Variants in SACS observed in about 807,000 individuals in gnomAD.
SACS encodes the protein sacsin.
SACS carries 197 observed loss-of-function variants against 348.0 expected under a neutral mutation model. That is an observed-to-expected ratio of 0.57 (90% CI 0.50 to 0.64). The LOEUF (loss-of-function observed/expected upper bound fraction) is 0.64. Among genes scored for constraint, SACS ranks in the 30% least tolerant of loss-of-function variants. The probability of loss-of-function intolerance (pLI) is 0.00; values close to 1 mark genes in which losing one functional copy is unlikely to be tolerated. For synonymous variants in SACS, 1,985 were observed against 1,910.6 expected (o/e 1.04, Z -1.02); for missense variants, 4,999 against 5,360.8 (o/e 0.93, Z 2.11).
intron 1 of SACS, chr13:23,428,688 C>T (rs1338895461): frequency 6.6e-6 from 1 of 152,122 alleles, no homozygotes. Context: ...AGAAAAAATA[C>T]TGTATTTCAA....
In SACS at chr13:23,417,446, G is replaced by C. The variant is rs142048881; in HGVS notation, c.-501-5706C>G. Among the ~76,000 whole-genome samples, 256 of 152,332 alleles carry C rather than the reference G, an allele frequency of 1.7e-3. 1 individual carries two copies. The highest frequency in any genetic ancestry group is 2.7e-3 in the Non-Finnish European group (182 of 68,030). Reference sequence around the variant, plus strand: ...GCATTCGCATGGGAACAATCAAAGAGAGTAAAAGGCTCAGAGACAGACCCT... The same window carrying C: ...GCATTCGCATGGGAACAATCAAAGACAGTAAAAGGCTCAGAGACAGACCCT... On this transcript the variant is annotated intron_variant, in intron 1 of 9. Transcript: ENST00000382292.
At position 23,409,040 on chromosome 13, in the gene SACS, C is replaced by CTTTTTTTTTTTTTTTTTTTTT. The variant is rs1175897856; in HGVS notation, c.20+2159_20+2179dup. Among the ~76,000 whole-genome samples, 119 of 35,146 alleles carry CTTTTTTTTTTTTTTTTTTTTT rather than the reference C, an allele frequency of 3.4e-3. 45 individuals carry two copies. The highest frequency in any genetic ancestry group is 4.0e-3 in the Non-Finnish European group (81 of 20,388). 23.1% of individuals were successfully genotyped at this position (35,146 alleles called of 152,430 possible). On this transcript the variant is annotated intron_variant, in intron 2 of 9. Transcript: ENST00000382292. ...TATGGTCTTAATAAAACAAGTTTTACTTTTTTTTTTTTTTTTTTTTTTTTT... is the reference window on the plus strand; with the variant it reads ...TATGGTCTTAATAAAACAAGTTTTACTTTTTTTTTTTTTTTTTTTTTTTTTTTTTTTTTTTTTTTTTTTTTT...
At chr13:23,413,047 A>G (rs1052260209) in intron 1 of SACS, among the ~76,000 whole-genome samples, 2 of 151,956 alleles carry the variant, frequency 1.3e-5, no homozygotes, top group African/African-American at 2.4e-5. Flanking sequence ...GCACAATCTC[A>G]GCTAACTGCA....
At position 23,339,132 on chromosome 13, in the gene SACS, C is replaced by A; in HGVS notation, c.4744G>T (p.Asp1582Tyr). The A allele has an allele frequency of 1.9e-6, 3 of 1,610,490 alleles. No homozygotes were observed. The highest frequency in any genetic ancestry group is 2.5e-6 in the Non-Finnish European group (3 of 1,177,786). The change falls in exon 10 of 10, where the codon GAT becomes TAT. Residue 1582 changes from aspartate to tyrosine, a missense_variant. Asp to Tyr is a radical substitution (Grantham distance 160, BLOSUM62 -3). This residue lies in a region of SACS where 3,156 missense variants were observed against 3,380.1 expected (regional missense o/e 0.93). Coordinates refer to ENST00000382292, the MANE Select transcript of SACS (RefSeq NM_014363.6). ...TTACTGATATGATTTATGTTTGGAT[C>A]GAACATTATCATGAATTCCCGACTC... ...IMSREFMIMF[D>Y]PNINHISKHI...
intron 2 of SACS, among the ~76,000 whole-genome samples, chr13:23,410,233 C>T (rs1041116827): frequency 6.6e-6 from 1 of 152,180 alleles, no homozygotes; most frequent in Non-Finnish European, 1.5e-5. Flanking sequence ...CACATGACTT[C>T]TCATAATACT....
At position 23,332,486 on chromosome 13, in the gene SACS, A is replaced by T. The variant is rs1373813671; in HGVS notation, c.11390T>A (p.Val3797Glu). 6.2e-7 allele frequency: 1 copy of T among 1,613,878 alleles called. No homozygotes were observed. Among genetic ancestry groups the T allele is most frequent in the Non-Finnish European group, 8.5e-7 (1 of 1,179,912 alleles). ...AAGTTTCCAACCATCTTCTACCATCACAAAAGCAACCCCTCGCAACTGAAA... is the reference window on the plus strand; with the variant it reads ...AAGTTTCCAACCATCTTCTACCATCTCAAAAGCAACCCCTCGCAACTGAAA... ...FRFQLRGVAF[V>E]MVEDGWKLLK... Residue 3797 changes from valine to glutamate, a missense_variant, in exon 10 of 10, where the codon GTG becomes GAG. Val to Glu is a moderately radical substitution (Grantham distance 121). Around this residue, in one of 6 missense-constraint regions of SACS, gnomAD observed 831 missense variants for 941.8 expected, o/e 0.88. Coordinates refer to ENST00000382292, the MANE Select transcript of SACS (RefSeq NM_014363.6).
At position 23,335,403 on chromosome 13, in the gene SACS, C is replaced by T; in HGVS notation, c.8473G>A (p.Gly2825Ser). Residue 2825 changes from glycine to serine, a missense_variant, in exon 10 of 10, where the codon GGC (glycine) becomes AGC (serine). Physicochemically the swap from Gly to Ser is moderately conservative, Grantham distance 56. Around this residue, in one of 6 missense-constraint regions of SACS, gnomAD observed 3,156 missense variants for 3,380.1 expected, o/e 0.93. Transcript: ENST00000382292. This position sits in a 1 kb window ranked among gnomAD's most constrained non-coding sequence, Gnocchi z 4.7. ...LTTWLICNRS[G>S]FSSMEKVSKS... ...GATACTTTCTCCATACTTGAAAAGC[C>T]TGATCTATTACAAATTAGCCACGTA... The T allele has an allele frequency of 1.9e-6, 3 of 1,613,940 alleles. No homozygotes were observed. Among genetic ancestry groups the T allele is most frequent in the Non-Finnish European group, 2.5e-6 (3 of 1,179,898 alleles).
At chr13:23,372,866 C>G (rs907401815) in intron 3 of SACS, among the ~76,000 whole-genome samples, 2 of 152,190 alleles carry the variant, frequency 1.3e-5, no homozygotes, top group Non-Finnish European at 2.9e-5. Flanking sequence ...GCAATTTTGA[C>G]TTTTGCAAAG....
chr13:23,411,636 G>T lies in SACS; in HGVS notation c.-397C>A. On this transcript the variant is annotated 5_prime_UTR_variant, in exon 2 of 10. Coordinates refer to ENST00000382292, the MANE Select transcript of SACS (RefSeq NM_014363.6). ...TGGGGAAAACGTCGCAGAAATTCTT[G>T]GATTTTGTTTCTCACCCTCATCTCA... The T allele has an allele frequency of 5.1e-6, 1 of 196,418 alleles. No individual in the cohort carries two copies. The highest frequency in any genetic ancestry group is 1.0e-5 in the Non-Finnish European group (1 of 98,764). 12.2% of individuals were successfully genotyped at this position (196,418 alleles called of 1,614,324 possible).
At chr13:23,364,650 G>C (rs1007043306) in intron 6 of SACS, among the ~76,000 whole-genome samples, 9 of 152,178 alleles carry the variant, frequency 5.9e-5, no homozygotes, top group Admixed American at 3.9e-4. Flanking sequence ...TGAGATATTA[G>C]GAGTCTATTG....
rs1295615161 is a variant in SACS at position 23,336,143 on chromosome 13, T to C, written c.7733A>G (p.Asp2578Gly). Residue 2578 changes from aspartate to glycine, a missense_variant, in exon 10 of 10, where the codon GAT becomes GGT. This residue lies in a region of SACS where 3,156 missense variants were observed against 3,380.1 expected (regional missense o/e 0.93). Coordinates refer to ENST00000382292, the MANE Select transcript of SACS (RefSeq NM_014363.6). ...TGGCCCTTGCAATGGGGCCCACTTA[T>C]CATCAAATATTCTATCAACTGGATG... ...RQHPVDRIFDDKWAPLQGPAL... is the reference protein window; with the variant it reads ...RQHPVDRIFDGKWAPLQGPAL... The C allele has an allele frequency of 1.2e-6, 2 of 1,613,546 alleles. No homozygotes were observed. Among genetic ancestry groups the C allele is most frequent in the Non-Finnish European group, 1.7e-6 (2 of 1,179,544 alleles).
Position 23,347,723 on chromosome 13 carries a change from C to T in SACS, c.2186-6033G>A, listed in dbSNP as rs1234503269. On this transcript the variant is annotated intron_variant, in intron 9 of 9. Coordinates refer to ENST00000382292, the MANE Select transcript of SACS (RefSeq NM_014363.6). ...ACCAGTGTGTGAGTGCCATGGAGAA[C>T]AGAGCATGGAAGCACACATGGGTTG... Among the ~76,000 whole-genome samples, 3 of 152,052 alleles carry T rather than the reference C, an allele frequency of 2.0e-5. 1 individual carries two copies. The highest frequency in any genetic ancestry group is 7.2e-5 in the African/African-American group (3 of 41,394).
At chr13:23,388,420 G>GTATA (rs753388276) in intron 2 of SACS, among the ~76,000 whole-genome samples, 116 of 143,516 alleles carry the variant, frequency 8.1e-4, no homozygotes, top group African/African-American at 1.0e-3. Context: ...AATGGTGTGT[G>GTATA]TGTATATATA....
chr13:23,367,745 CACCA>C lies in SACS; in HGVS notation c.345+653_345+656del, dbSNP rs1260434129. Among the ~76,000 whole-genome samples, 7 of 152,144 alleles carry C rather than the reference CACCA, an allele frequency of 4.6e-5. No individual in the cohort carries two copies. The East Asian group carries it at 1.4e-3, about 29-fold the overall frequency. ...AGTAGCTAGGATTACAGGCAGCCAC[CACCA>C]TGCCTGGCTAATTTTTGTACTTTTA... On this transcript the variant is annotated intron_variant, in intron 5 of 9. Transcript: ENST00000382292.
chr13:23,412,193 A>G (rs886558811), intron 1 of SACS, among the ~76,000 whole-genome samples: 1 of 152,040 alleles, frequency 6.6e-6, no homozygotes, highest in Non-Finnish European at 1.5e-5. Flanking sequence ...CGGGAGGTGG[A>G]GCTTGCAGTG....
At chr13:23,367,049 T>C (rs1197700464) in intron 5 of SACS, among the ~76,000 whole-genome samples, 1 of 152,202 alleles carries the variant, frequency 6.6e-6, no homozygotes, top group Admixed American at 6.5e-5. Flanking sequence ...CATAGACCTT[T>C]CTCATTTCTC....
In SACS at chr13:23,336,229, A is replaced by C. The variant is rs186301471; in HGVS notation, c.7647T>G (p.Leu2549=). The C allele has an allele frequency of 7.3e-5, 118 of 1,614,078 alleles. 4 individuals are homozygous for C. Among genetic ancestry groups the C allele is most frequent in the East Asian group, 6.2e-4 (28 of 44,888 alleles). ...CCTTTGCATCATCAGCATTTTGAAG[A>C]AGCTCTTTCAACATTTCCTTTTCAG... ...YPSEKEMLKE[L]LQNADDAKAT... Residue 2549 remains leucine (L), a synonymous_variant, in exon 10 of 10, where the codon CTT becomes CTG. Coordinates refer to ENST00000382292, the MANE Select transcript of SACS (RefSeq NM_014363.6).
Position 23,368,100 on chromosome 13 carries a change from T to C in SACS, c.345+302A>G, listed in dbSNP as rs139966211. Among the ~76,000 whole-genome samples the C allele has an allele frequency of 5.5e-4, 84 of 152,280 alleles. 1 individual carries two copies. The East Asian group carries it at 0.013, about 23-fold the overall frequency. On this transcript the variant is annotated intron_variant, in intron 5 of 9. Transcript: ENST00000382292. ...GCTGGTTGGTTGGTTGGTTGGTTGG[T>C]TGGTTGACGTGTAAAGCCCTGCACA...
Position 23,336,441 on chromosome 13 carries a change from T to C in SACS, c.7435A>G (p.Thr2479Ala), listed in dbSNP as rs1368520729. 6.2e-7 allele frequency: 1 copy of C among 1,614,084 alleles called. No individual in the cohort carries two copies. ...NDCPWIKVKD[T>A]TVKYCHADIP... ...TCAGCATGACAATATTTTACAGTGG[T>C]ATCCTTTACTTTTATCCAAGGGCAA... is the stretch of plus-strand genomic sequence containing the variant. Residue 2479 changes from threonine to alanine, a missense_variant, in exon 10 of 10, where the codon ACC becomes GCC. Thr to Ala is a moderately conservative substitution (Grantham distance 58). Transcript: ENST00000382292.
Sources: allele counts gnomAD v4.1 joint callset (sites outside exome capture counted in the v4.1 genomes callset), GRCh38; gene constraint gnomAD v4.1.1; regional missense constraint gnomAD v4.1.1; non-coding constraint Gnocchi (gnomAD v3.1); transcripts MANE v1.5; gene names NCBI Gene and HGNC (gene_info 2026-07-23, HGNC 2026-07-21).